The following FRY variants were observed in gnomAD, a reference collection of about 807,000 sequenced individuals.
FRY encodes the protein FRY microtubule binding protein, also known as protein furry homolog.
Under a neutral mutation model 348.4 loss-of-function variants are expected in FRY, and 128 were observed. The ratio of observed to expected loss-of-function variants is 0.37; its 90% CI spans 0.32 to 0.43. The LOEUF (loss-of-function observed/expected upper bound fraction) is 0.43, where lower values mean the gene tolerates loss of function less well. FRY is among the 20% of genes least tolerant of loss of function. FRY has a pLI of 1.00. For missense variants in FRY, 2,736 were observed against 3,695.2 expected (o/e 0.74, Z 6.73); for synonymous variants, 1,370 against 1,374.7 (o/e 1.00, Z 0.08).
intron 2 of FRY, chr13:32,085,968 G>A (rs1024863487): frequency 1.9e-6 from 1 of 518,962 alleles, no homozygotes; most frequent in East Asian, 5.4e-5. Context: ...CACCCCCAAC[G>A]ATCTCACTGT....
intron 1 of FRY, among the ~76,000 whole-genome samples, chr13:32,041,398 A>G (rs957614925): frequency 3.4e-5 from 5 of 146,260 alleles, no homozygotes; most frequent in African/African-American, 1.3e-4. Flanking sequence ...GGTTCAAGCA[A>G]TTCTTCTGCC....
Position 32,209,787 on chromosome 13 carries a change from A to G in FRY, c.4422+56A>G, listed in dbSNP as rs1185487981. 3 of 1,549,664 alleles carry G rather than the reference A, an allele frequency of 1.9e-6. No individual in the cohort carries two copies. In the Admixed American group the frequency reaches 5.0e-5, roughly 26 times the overall value. On this transcript the variant is annotated intron_variant, in intron 33 of 60. Coordinates refer to ENST00000542859, the MANE Select transcript of FRY (RefSeq NM_023037.3). ...TATTCCTGCAGGGACTCCCATGTGCAATTTGCAAGTCAGAATGTGCTCTTT... is the reference window on the plus strand; with the variant it reads ...TATTCCTGCAGGGACTCCCATGTGCGATTTGCAAGTCAGAATGTGCTCTTT...
At chr13:32,147,710 G>A in intron 12 of FRY, 129 bp from the exon 13 acceptor site, 1 of 733,346 alleles carries the variant, frequency 1.4e-6, no homozygotes, top group East Asian at 2.6e-5. Context: ...GGAAAGAGGT[G>A]AGGTGGTTTG....
Position 32,078,985 on chromosome 13 carries a change from C to G in FRY, c.222C>G (p.Phe74Leu). Residue 74 changes from phenylalanine (F) to leucine (L), a missense_variant, in exon 2 of 61, where the codon TTC becomes TTG. Transcript: ENST00000542859. Reference protein sequence around the residue: ...EYVLKSLFVNFTTQAERKIRI... With the variant: ...EYVLKSLFVNLTTQAERKIRI... ...TCCTCAAAAGTTTATTTGTCAACTT[C>G]ACCACTCAGGCTGAACGCAAGATTC... The G allele has an allele frequency of 6.2e-7, 1 of 1,613,970 alleles. No homozygotes were observed. The highest frequency in any genetic ancestry group is 8.5e-7 in the Non-Finnish European group (1 of 1,179,862).
At chr13:32,224,484 T>G in intron 37 of FRY, 99 bp downstream of exon 37, 1 of 1,081,292 alleles carries the variant, frequency 9.2e-7, no homozygotes, top group Admixed American at 2.4e-5. Flanking sequence ...CACATTAAAT[T>G]ATCTTATCAA....
chr13:32,065,330 G>C (rs1246984548), intron 1 of FRY, among the ~76,000 whole-genome samples: 1 of 152,042 alleles, frequency 6.6e-6, no homozygotes, highest in African/African-American at 2.4e-5. Flanking sequence ...TTTTGAGACA[G>C]AGTTTTACTC....
At chr13:32,294,982 A>G (rs1187933675) in intron 60 of FRY, among the ~76,000 whole-genome samples, 1 of 152,172 alleles carries the variant, frequency 6.6e-6, no homozygotes, top group Non-Finnish European at 1.5e-5. Context: ...TATTTTACCA[A>G]AATAATATTC....
chr13:32,040,925 T>G (rs1238529268), intron 1 of FRY, among the ~76,000 whole-genome samples: 2 of 152,200 alleles, frequency 1.3e-5, no homozygotes, highest in Non-Finnish European at 2.9e-5. Flanking sequence ...AAGAGGCTGT[T>G]AGAAAATCTG....
At chr13:32,177,594 G>GATAAATAA (rs71194512) in intron 20 of FRY, among the ~76,000 whole-genome samples, 52,106 of 147,708 alleles carry the variant, frequency 0.35, 9,472 homozygotes, top group Admixed American at 0.4. Context: ...ACTCTGTCTC[G>GATAAATAA]ATAAATAAAT....
At chr13:32,090,683 CTT>C (rs913224115) in intron 2 of FRY, among the ~76,000 whole-genome samples, 2 of 151,938 alleles carry the variant, frequency 1.3e-5, no homozygotes, top group African/African-American at 4.8e-5. Flanking sequence ...AAGGTTGTAT[CTT>C]ACATTTCTTA....
intron 1 of FRY, among the ~76,000 whole-genome samples, chr13:32,075,506 T>C (rs1874989938): frequency 6.6e-6 from 1 of 152,228 alleles, no homozygotes; most frequent in South Asian, 2.1e-4. Context: ...AATTATCTTA[T>C]GTATAGATTA....
Position 32,037,511 on chromosome 13 carries a change from T to C in FRY, c.70+5646T>C, listed in dbSNP as rs556732230. Among the ~76,000 whole-genome samples, 3 of 152,340 alleles carry C rather than the reference T, an allele frequency of 2.0e-5. No homozygotes were observed. In the South Asian group the frequency reaches 6.2e-4, roughly 32 times the overall value. ...TGGCCTGCTCCATCATAAAATCATG[T>C]ACAGGACTGGCAGCACCAAGATAAA... On this transcript the variant is annotated intron_variant, in intron 1 of 60. Transcript: ENST00000542859.
At position 32,102,004 on chromosome 13, in the gene FRY, C is replaced by A; in HGVS notation, c.312C>A (p.Pro104=). 1.3e-6 allele frequency: 2 copies of A among 1,544,446 alleles called. No individual in the cohort carries two copies. Among genetic ancestry groups the A allele is most frequent in the Non-Finnish European group, 1.8e-6 (2 of 1,116,650 alleles). The change falls in exon 3 of 61, where the codon CCC becomes CCA. Residue 104 remains proline (P), a synonymous_variant. Coordinates refer to ENST00000542859, the MANE Select transcript of FRY (RefSeq NM_023037.3). The part of the protein sequence containing the change: ...LTKSLQRGED[P]QFDQVISSMS... ...AATCTCTGCAACGTGGAGAAGACCC[C>A]CAATTTGATCAGGTATGTGATATAT...
intron 55 of FRY, among the ~76,000 whole-genome samples, chr13:32,272,799 G>T (rs189707356): frequency 6.6e-6 from 1 of 151,910 alleles, no homozygotes; most frequent in Non-Finnish European, 1.5e-5. Flanking sequence ...GCAGTAGCGC[G>T]ATCTTGGCTC....
chr13:32,149,872 G>A (rs1880693607), intron 14 of FRY, 38 bp downstream of exon 14: 7 of 1,226,694 alleles, frequency 5.7e-6, no homozygotes, highest in Admixed American at 1.7e-5. Context: ...AACAGAGCAT[G>A]TCTTCCGGAG....
At chr13:32,109,807 A>C (rs1003363138) in intron 3 of FRY, among the ~76,000 whole-genome samples, 2 of 152,248 alleles carry the variant, frequency 1.3e-5, no homozygotes, top group Non-Finnish European at 2.9e-5. Context: ...TAACGGGTTC[A>C]GTTTATTATG....
At chr13:32,086,149 T>C in intron 2 of FRY, 1 of 385,438 alleles carries the variant, frequency 2.6e-6, no homozygotes, top group Non-Finnish European at 5.1e-6. Flanking sequence ...AACCGCATAA[T>C]GGCCAGGCAG....
At chr13:32,214,217 C>T (rs767908205) in intron 35 of FRY, among the ~76,000 whole-genome samples, 13 of 152,190 alleles carry the variant, frequency 8.5e-5, no homozygotes, top group Non-Finnish European at 1.3e-4. Flanking sequence ...CCTCAGTCTA[C>T]TTATCACCCT....
At chr13:32,053,491 A>T (rs375256810) in intron 1 of FRY, among the ~76,000 whole-genome samples, 1 of 152,164 alleles carries the variant, frequency 6.6e-6, no homozygotes, top group African/African-American at 2.4e-5. Flanking sequence ...TATACACCTG[A>T]CTTCATCGTC....
Sources: allele counts gnomAD v4.1 joint callset (sites outside exome capture counted in the v4.1 genomes callset), GRCh38; gene constraint gnomAD v4.1.1; transcripts MANE v1.5; gene names NCBI Gene and HGNC (gene_info 2026-07-23, HGNC 2026-07-21).